VAV3: variants seen among roughly 807,000 people sequenced by gnomAD.
VAV3 encodes the protein guanine nucleotide exchange factor VAV3.
VAV3 carries 94 observed loss-of-function variants against 131.2 expected under a neutral mutation model. The ratio of observed to expected loss-of-function variants is 0.72; its 90% CI spans 0.61 to 0.85. The LOEUF is 0.85. Ranked by LOEUF, VAV3 falls within the 40% of genes least tolerant of loss-of-function variation. The pLI, the probability that VAV3 is intolerant of heterozygous loss-of-function variation, is 0.00. For synonymous variants in VAV3, 349 were observed against 342.0 expected (o/e 1.02, Z -0.22); for missense variants, 939 against 1,002.7 (o/e 0.94, Z 0.86).
At chr1:107,644,373 C>T (rs959906422) in intron 19 of VAV3, among the ~76,000 whole-genome samples, 109 of 152,066 alleles carry the variant, frequency 7.2e-4, no homozygotes, top group African/African-American at 2.4e-3. Flanking sequence ...GAGAGAATTG[C>T]AGTTCACCTC....
chr1:107,893,804 A>T (rs1292911590), intron 1 of VAV3, among the ~76,000 whole-genome samples: 1 of 152,204 alleles, frequency 6.6e-6, no homozygotes, highest in Non-Finnish European at 1.5e-5. Context: ...TTTTTTAAAG[A>T]TCAAGCATTA....
intron 25 of VAV3, among the ~76,000 whole-genome samples, chr1:107,581,158 G>A (rs968088475): frequency 2.0e-5 from 3 of 152,124 alleles, no homozygotes; most frequent in Non-Finnish European, 4.4e-5. Context: ...CCAATACTGC[G>A]ACCTTTTTCA....
At chr1:107,702,700 C>T (rs554833301) in intron 17 of VAV3, among the ~76,000 whole-genome samples, 147 of 151,804 alleles carry the variant, frequency 9.7e-4, no homozygotes, top group Non-Finnish European at 1.8e-3. Context: ...GCCATACTTG[C>T]GTATTATTTT....
intron 2 of VAV3, among the ~76,000 whole-genome samples, chr1:107,818,525 A>G (rs1667655486): frequency 6.6e-6 from 1 of 152,188 alleles, no homozygotes; most frequent in Admixed American, 6.5e-5. Flanking sequence ...TTAGAAAAAC[A>G]AACTATAATA....
At chr1:107,694,339 G>A (rs1486317568) in intron 17 of VAV3, among the ~76,000 whole-genome samples, 1 of 152,056 alleles carries the variant, frequency 6.6e-6, no homozygotes, top group African/African-American at 2.4e-5. Context: ...AGAGCCAAGT[G>A]AGAACTCTAA....
At chr1:107,949,426 T>C (rs563495395) in intron 1 of VAV3, among the ~76,000 whole-genome samples, 7 of 152,226 alleles carry the variant, frequency 4.6e-5, no homozygotes, top group African/African-American at 1.7e-4. Context: ...TCCTTCCACG[T>C]CAGCCTCCCA....
intron 17 of VAV3, among the ~76,000 whole-genome samples, chr1:107,689,790 GC>G (rs149769032): frequency 2.6e-4 from 39 of 152,242 alleles, no homozygotes; most frequent in Non-Finnish European, 4.6e-4. Context: ...AAGAAAGATC[GC>G]CCAAGAGCGC....
At chr1:107,941,452 T>C (rs563303372) in intron 1 of VAV3, among the ~76,000 whole-genome samples, 1 of 152,308 alleles carries the variant, frequency 6.6e-6, no homozygotes, top group Admixed American at 6.5e-5. Flanking sequence ...TTTTTCCAAG[T>C]GAACTCTAGA....
intron 20 of VAV3, among the ~76,000 whole-genome samples, chr1:107,635,083 C>A (rs549692925): frequency 3.3e-5 from 5 of 152,090 alleles, no homozygotes; most frequent in Admixed American, 6.6e-5. Context: ...GGATCTAGAA[C>A]TAGAAATACC....
intron 1 of VAV3, among the ~76,000 whole-genome samples, chr1:107,919,479 A>G (rs1251343820): frequency 6.6e-6 from 1 of 152,220 alleles, no homozygotes; most frequent in Non-Finnish European, 1.5e-5. Flanking sequence ...GACAAGTACA[A>G]AAAGTCTAAG....
chr1:107,657,025 C>T (rs891726158), intron 19 of VAV3, among the ~76,000 whole-genome samples: 1 of 144,972 alleles, frequency 6.9e-6, no homozygotes, highest in African/African-American at 2.5e-5. Flanking sequence ...ACAATCTCAG[C>T]TCACTGCAGC....
At position 107,757,187 on chromosome 1, in the gene VAV3, G is replaced by GTGTGTATA. The variant is rs869175769; in HGVS notation, c.1086+73_1086+74insTATACACA. 4.7e-4 allele frequency: 384 copies of GTGTGTATA among 814,450 alleles called. No homozygotes were observed. In the African/African-American group the frequency reaches 5.3e-3, roughly 11 times the overall value. The allele number at this position is 814,450 out of a possible 1,614,324, so 50.5% of individuals were successfully genotyped here. ...TGTGTGTGTGTGTGTGTGTGTGTGT[G>GTGTGTATA]TATGCAATTTGAATTCCATTGTCTT... On this transcript the variant is annotated intron_variant, in intron 11 of 26. Transcript: ENST00000370056.
chr1:107,609,171 C>T (rs1204996255), intron 22 of VAV3, among the ~76,000 whole-genome samples: 1 of 152,074 alleles, frequency 6.6e-6, no homozygotes, highest in East Asian at 1.9e-4. Context: ...CAGTACAAAG[C>T]ACATATAGTA....
At chr1:107,690,475 A>C (rs1659355118) in intron 17 of VAV3, among the ~76,000 whole-genome samples, 1 of 152,114 alleles carries the variant, frequency 6.6e-6, no homozygotes, top group East Asian at 1.9e-4. Flanking sequence ...AGAAGAGAGG[A>C]TCCATCATAG....
chr1:107,596,930 C>G (rs1651441933), intron 24 of VAV3, among the ~76,000 whole-genome samples: 2 of 152,168 alleles, frequency 1.3e-5, no homozygotes, highest in Admixed American at 6.5e-5. Context: ...CCAATTTTCT[C>G]TTATAAATAA....
chr1:107,831,260 A>G (rs920842042), intron 2 of VAV3, among the ~76,000 whole-genome samples: 7 of 152,208 alleles, frequency 4.6e-5, no homozygotes. Flanking sequence ...ATACTTTAAA[A>G]TAATATATGA....
rs771773884 is a variant in VAV3, at chr1:107,753,549, T to TATATATGTATATATATATATAC, written c.1173+1877_1173+1878insGTATATATATATATACATATAT. ...ATACGTATATATATATATATATATA[T>TATATATGTATATATATATATAC]ACACACACACACTTTTTTTTTTGAG... On this transcript the variant is annotated intron_variant, in intron 12 of 26. Transcript: ENST00000370056. Among the ~76,000 whole-genome samples, 199 of 82,010 alleles carry TATATATGTATATATATATATAC rather than the reference T, an allele frequency of 2.4e-3. 1 individual carries two copies. Among genetic ancestry groups the TATATATGTATATATATATATAC allele is most frequent in the African/African-American group, 9.0e-3 (196 of 21,724 alleles). The allele number at this position is 82,010 out of a possible 152,430, so 53.8% of individuals were successfully genotyped here. A position where few individuals can be genotyped will look rare whatever the true frequency, so the allele number is the denominator to read the frequency against.
At chr1:107,859,342 G>A (rs1235262208) in intron 2 of VAV3, among the ~76,000 whole-genome samples, 1 of 152,076 alleles carries the variant, frequency 6.6e-6, no homozygotes, top group African/African-American at 2.4e-5. Context: ...AAAGTGCTAA[G>A]ATTATAGACG....
At chr1:107,822,347 A>C (rs1667827224) in intron 2 of VAV3, among the ~76,000 whole-genome samples, 1 of 152,088 alleles carries the variant, frequency 6.6e-6, no homozygotes, top group African/African-American at 2.4e-5. Flanking sequence ...ATGAGAAAAA[A>C]GAGGGGAAAA....
Sources: gnomAD v4.1 joint callset for allele counts (sites outside exome capture counted in the v4.1 genomes callset) on GRCh38, gnomAD v4.1.1 for gene constraint, MANE v1.5 for transcripts, NCBI Gene and HGNC (gene_info 2026-07-23, HGNC 2026-07-21) for gene names.